Variants in CELSR1 observed in about 807,000 individuals in gnomAD.
CELSR1 encodes the protein adhesion G protein-coupled receptor C1.
In CELSR1, 110 loss-of-function variants were observed where a neutral mutation model predicts 249.1. That is an observed-to-expected ratio of 0.44 (90% confidence interval 0.38 to 0.52). CELSR1 has a LOEUF of 0.52. Ranked by LOEUF, CELSR1 falls within the 20% of genes least tolerant of loss-of-function variation. CELSR1 has a pLI of 0.00. For synonymous variants in CELSR1, 2,113 were observed against 1,900.0 expected (o/e 1.11, Z -2.92); for missense variants, 4,109 against 4,296.4 (o/e 0.96, Z 1.22).
intron 1 of CELSR1, chr22:46,481,582 A>G: frequency 1.2e-6 from 1 of 855,660 alleles, no homozygotes; most frequent in Non-Finnish European, 2.0e-6. Flanking sequence ...GTGGCACTCG[A>G]TGCACTGGTG....
At chr22:46,384,919 T>C (rs977756572) in intron 19 of CELSR1, among the ~76,000 whole-genome samples, 14 of 150,782 alleles carry the variant, frequency 9.3e-5, no homozygotes, top group African/African-American at 3.2e-4. Context: ...GCCTCCCAAG[T>C]AGCTGGGATT....
intron 5 of CELSR1, among the ~76,000 whole-genome samples, chr22:46,431,076 C>T (rs962747509): frequency 2.6e-5 from 4 of 152,232 alleles, no homozygotes; most frequent in African/African-American, 9.6e-5. Context: ...TGTGCTCAGG[C>T]ACCGCTGACA....
intron 27 of CELSR1, 181 bp downstream of exon 27, chr22:46,368,998 C>T (rs972391164): frequency 1.8e-5 from 11 of 606,682 alleles, no homozygotes; most frequent in Middle Eastern, 4.5e-4. Flanking sequence ...GCTAACCTCC[C>T]CCAGCCCCTG....
chr22:46,366,444 G>T lies in CELSR1; in HGVS notation c.8242C>A (p.Pro2748Thr), dbSNP rs1411849681. Residue 2748 changes from proline (P) to threonine (T), a missense_variant, in exon 30 of 35, where the codon CCT (proline) becomes ACT (threonine). This residue lies in a region of CELSR1 where 1,805 missense variants were observed against 1,831.6 expected (regional missense o/e 0.99). Coordinates refer to ENST00000674500, the MANE Select transcript of CELSR1 (RefSeq NM_001378328.1). The part of the protein sequence containing the change: ...LNCNTTFGDG[P>T]DMLRTDLGES... ...CCCAAGTCTGTGCGCAGCATGTCAG[G>T]CCCGTCACCGAAGGTGGTGTTGCAG... 5.8e-6 allele frequency: 9 copies of T among 1,550,328 alleles called. No individual in the cohort carries two copies. The South Asian group carries it at 7.1e-5, about 12-fold the overall frequency.
Position 46,408,914 on chromosome 22 carries a change from G to T in CELSR1, c.5226+82C>A. On this transcript the variant is annotated intron_variant, in intron 9 of 34. Coordinates refer to ENST00000674500, the MANE Select transcript of CELSR1 (RefSeq NM_001378328.1). This position sits in a 1 kb window ranked among gnomAD's most constrained non-coding sequence, Gnocchi z 4.6. Reference sequence around the variant, plus strand: ...AAGGGCGAGTAGCAGGTGCCCGAGTGTGCACCAGGAAGCCCAGCGCCTGGG... The same window carrying T: ...AAGGGCGAGTAGCAGGTGCCCGAGTTTGCACCAGGAAGCCCAGCGCCTGGG... 8.3e-7 allele frequency: 1 copy of T among 1,197,808 alleles called. No individual in the cohort carries two copies. Among genetic ancestry groups the T allele is most frequent in the Non-Finnish European group, 1.1e-6 (1 of 873,148 alleles). 74.2% of individuals were successfully genotyped at this position (1,197,808 alleles called of 1,614,324 possible).
intron 2 of CELSR1, among the ~76,000 whole-genome samples, chr22:46,461,650 C>A (rs994702399): frequency 2.6e-5 from 4 of 152,140 alleles, no homozygotes; most frequent in Admixed American, 2.6e-4. Context: ...AACTTGGTCA[C>A]CCCCCAGAAC....
intron 1 of CELSR1, among the ~76,000 whole-genome samples, chr22:46,529,909 G>T (rs1250709056): frequency 1.3e-5 from 2 of 152,116 alleles, no homozygotes; most frequent in Non-Finnish European, 2.9e-5. Flanking sequence ...TAATTGGACT[G>T]TTTATAACAC....
chr22:46,470,616 C>T (rs2080146305), intron 1 of CELSR1, among the ~76,000 whole-genome samples: 2 of 152,136 alleles, frequency 1.3e-5, no homozygotes, highest in African/African-American at 4.8e-5. Context: ...AGACCACGGG[C>T]CACGGTGAAA....
intron 1 of CELSR1, among the ~76,000 whole-genome samples, chr22:46,514,063 T>G (rs11703671): frequency 1.8e-4 from 28 of 152,064 alleles, no homozygotes; most frequent in African/African-American, 4.8e-4. Flanking sequence ...AAAGTGCTGG[T>G]ATTACAGGCA....
intron 13 of CELSR1, among the ~76,000 whole-genome samples, chr22:46,394,688 G>A (rs552639520): frequency 3.9e-4 from 59 of 152,326 alleles, no homozygotes; most frequent in African/African-American, 1.3e-3. Context: ...AGGGAGTTTT[G>A]TAGCTTTTGT....
At position 46,498,710 on chromosome 22, in the gene CELSR1, G is replaced by A. The variant is rs147725765; in HGVS notation, c.3545-34365C>T. ...GACAGACGCTTCCTCTCCTGTGGCT[G>A]TGGAATGAGGTTTATGATAAAAGGT... On this transcript the variant is annotated intron_variant, in intron 1 of 34. Coordinates refer to ENST00000674500, the MANE Select transcript of CELSR1 (RefSeq NM_001378328.1). Among the ~76,000 whole-genome samples the A allele has an allele frequency of 1.8e-4, 27 of 152,260 alleles. No homozygotes were observed. In the East Asian group the frequency reaches 4.8e-3, roughly 27 times the overall value.
intron 5 of CELSR1, among the ~76,000 whole-genome samples, chr22:46,422,592 A>AT (rs1555914332): frequency 6.0e-5 from 9 of 148,962 alleles, no homozygotes; most frequent in African/African-American, 1.7e-4. Flanking sequence ...ATAATAATAA[A>AT]AAATAAATAA....
At chr22:46,367,332 C>T (rs570328475) in intron 28 of CELSR1, among the ~76,000 whole-genome samples, 71 of 152,360 alleles carry the variant, frequency 4.7e-4, no homozygotes, top group African/African-American at 1.6e-3. Context: ...GCCAGACCCC[C>T]GGTGTGCTGG....
At position 46,417,769 on chromosome 22, in the gene CELSR1, T is replaced by C. The variant is rs2079420107; in HGVS notation, c.4612-6010A>G. Among the ~76,000 whole-genome samples the C allele has an allele frequency of 6.6e-6, 1 of 152,206 alleles. No individual in the cohort carries two copies. Among genetic ancestry groups the C allele is most frequent in the African/African-American group, 2.4e-5 (1 of 41,438 alleles). On this transcript the variant is annotated intron_variant, in intron 5 of 34. Transcript: ENST00000674500. The surrounding 1 kb of genome is among the most constrained non-coding windows in gnomAD (Gnocchi z 4.1). ...TGCATAGCTGCTATCTCTAGGGCTG[T>C]TTGGGAATGAAATGAAAGGACGGAT... is the stretch of plus-strand genomic sequence containing the variant.
chr22:46,502,824 G>C (rs5767231), intron 1 of CELSR1, among the ~76,000 whole-genome samples: 138,140 of 152,198 alleles, frequency 0.91, 62,808 homozygotes, highest in East Asian at 1. Context: ...TTAAACCACC[G>C]TGGCCAAAAT....
rs2079556044 is a variant in CELSR1, at chr22:46,428,139, G to A, written c.4611+5254C>T. ...CATCCTCTGCTCAACAGAAGCAGAGGCCGGTCCTCCGGTTTGTTGCAACCG... is the reference window on the plus strand; with the variant it reads ...CATCCTCTGCTCAACAGAAGCAGAGACCGGTCCTCCGGTTTGTTGCAACCG... On this transcript the variant is annotated intron_variant, in intron 5 of 34. Coordinates refer to ENST00000674500, the MANE Select transcript of CELSR1 (RefSeq NM_001378328.1). This position sits in a 1 kb window ranked among gnomAD's most constrained non-coding sequence, Gnocchi z 5.7. 6.6e-6 allele frequency among the ~76,000 whole-genome samples: 1 copy of A among 152,172 alleles called. No homozygotes were observed. Among genetic ancestry groups the A allele is most frequent in the African/African-American group, 2.4e-5 (1 of 41,442 alleles).
intron 1 of CELSR1, among the ~76,000 whole-genome samples, chr22:46,477,894 G>A (rs970407850): frequency 2.6e-5 from 4 of 152,124 alleles, no homozygotes; most frequent in Admixed American, 1.3e-4. Flanking sequence ...GTGGACTCTC[G>A]TGGGGGCTGG....
chr22:46,443,281 C>A (rs2079776083), intron 2 of CELSR1, among the ~76,000 whole-genome samples: 1 of 152,232 alleles, frequency 6.6e-6, no homozygotes, highest in Admixed American at 6.5e-5. Flanking sequence ...GACGCCGGGT[C>A]AGAGCCAGGC....
chr22:46,516,802 C>T (rs1290561565), intron 1 of CELSR1, among the ~76,000 whole-genome samples: 1 of 152,168 alleles, frequency 6.6e-6, no homozygotes, highest in Non-Finnish European at 1.5e-5. Context: ...AGGCAACACC[C>T]TATGTTGTGC....
Sources: allele counts gnomAD v4.1 joint callset (sites outside exome capture counted in the v4.1 genomes callset), GRCh38; gene constraint gnomAD v4.1.1; regional missense constraint gnomAD v4.1.1; non-coding constraint Gnocchi (gnomAD v3.1); transcripts MANE v1.5; gene names NCBI Gene and HGNC (gene_info 2026-07-23, HGNC 2026-07-21).